Variants in COG5 observed in about 807,000 individuals in gnomAD.
COG5 encodes component of oligomeric golgi complex 5.
Under a neutral mutation model 110.4 loss-of-function variants are expected in COG5, and 86 were observed. That is an observed-to-expected ratio of 0.78 (90% CI 0.65 to 0.93). The LOEUF is 0.93. Ranked by LOEUF, COG5 falls within the 40% of genes least tolerant of loss-of-function variation. The pLI, the probability that COG5 is intolerant of heterozygous loss-of-function variation, is 0.00. For synonymous variants in COG5, 360 were observed against 334.6 expected, an observed-to-expected ratio of 1.08 and a Z score of -0.83; for missense variants, 1,077 against 987.0, an observed-to-expected ratio of 1.09 and a Z score of -1.22.
intron 11 of COG5, among the ~76,000 whole-genome samples, chr7:107,323,165 T>C (rs550606328): frequency 1.8e-4 from 28 of 152,276 alleles, no homozygotes; most frequent in African/African-American, 6.7e-4. Context: ...TCAATAAAGC[T>C]GAGCAAAAAC....
chr7:107,298,621 G>C (rs950705462), intron 11 of COG5, among the ~76,000 whole-genome samples: 2 of 152,002 alleles, frequency 1.3e-5, no homozygotes, highest in Non-Finnish European at 2.9e-5. Flanking sequence ...CCTTTTTCAA[G>C]AATCAAGAAA....
chr7:107,473,511 A>G (rs1378694137), intron 6 of COG5, among the ~76,000 whole-genome samples: 1 of 152,024 alleles, frequency 6.6e-6, no homozygotes, highest in Non-Finnish European at 1.5e-5. Context: ...TTCAATCAAC[A>G]TGGATAAAGC....
intron 1 of COG5, among the ~76,000 whole-genome samples, chr7:107,560,169 T>TA (rs1205659832): frequency 6.6e-6 from 1 of 152,182 alleles, no homozygotes; most frequent in Non-Finnish European, 1.5e-5. Flanking sequence ...ACAGATATCT[T>TA]AAAATCTACG....
intron 14 of COG5, among the ~76,000 whole-genome samples, chr7:107,280,566 A>C (rs1455401074): frequency 6.6e-6 from 1 of 152,040 alleles, no homozygotes; most frequent in Non-Finnish European, 1.5e-5. Context: ...AGTGGAGACA[A>C]TCAGATTTTG....
At chr7:107,210,088 T>A (rs1181034162) in intron 21 of COG5, 6 of 1,043,568 alleles carry the variant, frequency 5.7e-6, no homozygotes, top group Non-Finnish European at 6.9e-6. Flanking sequence ...TCCAAGTGGC[T>A]GCTGGGTTGT....
intron 6 of COG5, among the ~76,000 whole-genome samples, chr7:107,450,933 C>A (rs1478187679): frequency 1.3e-5 from 2 of 152,178 alleles, no homozygotes; most frequent in Non-Finnish European, 2.9e-5. Context: ...AAGTAGACTA[C>A]TTGCGCCAAC....
chr7:107,343,030 C>T (rs1413224579), intron 10 of COG5, among the ~76,000 whole-genome samples: 26 of 152,260 alleles, frequency 1.7e-4, no homozygotes, highest in Non-Finnish European at 2.1e-4. Context: ...TGGAATACTA[C>T]ACAGCCAAAC....
intron 6 of COG5, among the ~76,000 whole-genome samples, chr7:107,450,699 T>C (rs1290290218): frequency 1.3e-5 from 2 of 152,338 alleles, no homozygotes; most frequent in East Asian, 3.9e-4. Flanking sequence ...GGATTGTCCT[T>C]ATCTATTAAA....
intron 11 of COG5, among the ~76,000 whole-genome samples, chr7:107,306,247 C>T (rs931862940): frequency 1.3e-5 from 2 of 152,028 alleles, no homozygotes; most frequent in African/African-American, 4.8e-5. Context: ...AAAAATAGTT[C>T]AGACATACAA....
intron 10 of COG5, among the ~76,000 whole-genome samples, chr7:107,329,757 G>C (rs955005491): frequency 1.3e-5 from 2 of 152,078 alleles, no homozygotes; most frequent in Non-Finnish European, 1.5e-5. Flanking sequence ...TTAGCTGAGT[G>C]TGGGAGCATG....
chr7:107,424,573 T>C (rs1308400848), intron 6 of COG5, among the ~76,000 whole-genome samples: 6 of 151,916 alleles, frequency 3.9e-5, no homozygotes, highest in African/African-American at 9.7e-5. Context: ...ATGGGGTTTA[T>C]TCAACCCCTG....
Position 107,413,885 on chromosome 7 carries a change from G to A in COG5, c.539-1253C>T, listed in dbSNP as rs534361604. On this transcript the variant is annotated intron_variant, in intron 6 of 21. Transcript: ENST00000297135. ...CTTGCTAGAAATCTCATCATACCTA[G>A]ATGGAGATACTAAAATCCGAAGAAT... is the stretch of plus-strand genomic sequence containing the variant. 1.2e-3 allele frequency among the ~76,000 whole-genome samples: 188 copies of A among 152,278 alleles called. 2 individuals carry two copies. The highest frequency in any genetic ancestry group is 4.3e-3 in the African/African-American group (179 of 41,550).
intron 6 of COG5, among the ~76,000 whole-genome samples, chr7:107,478,678 A>G (rs1475891458): frequency 1.3e-5 from 2 of 152,006 alleles, no homozygotes. Flanking sequence ...TATACTATAT[A>G]TAGGGTTCAA....
chr7:107,330,093 A>C (rs1367721473), intron 10 of COG5, among the ~76,000 whole-genome samples: 1 of 152,234 alleles, frequency 6.6e-6, no homozygotes, highest in Non-Finnish European at 1.5e-5. Flanking sequence ...TTTGAACTGG[A>C]AGGATATTTG....
intron 10 of COG5, among the ~76,000 whole-genome samples, chr7:107,336,564 T>A (rs1488517293): frequency 6.6e-6 from 1 of 152,194 alleles, no homozygotes; most frequent in African/African-American, 2.4e-5. Flanking sequence ...ATAAAATATA[T>A]ACTTAAGGTG....
chr7:107,235,557 T>C (rs1801122445), intron 18 of COG5, among the ~76,000 whole-genome samples: 1 of 152,058 alleles, frequency 6.6e-6, no homozygotes, highest in South Asian at 2.1e-4. Context: ...ACAAAAATTA[T>C]CCAGGCGTGG....
chr7:107,444,676 C>T (rs1295905505), intron 6 of COG5, among the ~76,000 whole-genome samples: 3 of 152,110 alleles, frequency 2.0e-5, no homozygotes, highest in Non-Finnish European at 4.4e-5. Context: ...TCATCAAATA[C>T]TATATCATAA....
Position 107,412,629 on chromosome 7 carries a change from T to C in COG5, c.542A>G (p.Tyr181Cys), listed in dbSNP as rs1440731287. The change falls in exon 7 of 22, where the codon TAT becomes TGT. Residue 181 changes from tyrosine to cysteine, a missense_variant. Physicochemically the swap from Tyr to Cys is radical, Grantham distance 194. Transcript: ENST00000297135. ...KAAQSLNELD[Y>C]LSQGIDLSGI... ...AGAAAGATCTATTCCTTGAGAAAGA[T>C]AATCTGTTTAAAACAAAAACATACA... The C allele has an allele frequency of 1.3e-6, 2 of 1,517,724 alleles. No individual in the cohort carries two copies. The highest frequency in any genetic ancestry group is 4.5e-5 in the East Asian group (2 of 44,244). The allele number at this position is 1,517,724 out of a possible 1,614,324, so 94.0% of individuals were successfully genotyped here. A position where few individuals can be genotyped will look rare whatever the true frequency, so the allele number is the denominator to read the frequency against.
intron 6 of COG5, among the ~76,000 whole-genome samples, chr7:107,429,161 C>G (rs1055252517): frequency 2.0e-5 from 3 of 152,182 alleles, no homozygotes; most frequent in Non-Finnish European, 4.4e-5. Context: ...AATATTTTAG[C>G]TGTCCCTTAC....
Sources: allele counts gnomAD v4.1 joint callset (sites outside exome capture counted in the v4.1 genomes callset), GRCh38; gene constraint gnomAD v4.1.1; transcripts MANE v1.5; gene names NCBI Gene and HGNC (gene_info 2026-07-23, HGNC 2026-07-21).